DUSP29: variants seen among roughly 807,000 people sequenced by gnomAD.
The protein encoded by DUSP29 is dual specificity phosphatase 29.
DUSP29 carries 12 observed loss-of-function variants against 13.5 expected under a neutral mutation model. The observed-to-expected ratio is 0.89, with a 90% CI of 0.57 to 1.44. The LOEUF (loss-of-function observed/expected upper bound fraction) is 1.44. Ranked by LOEUF, DUSP29 falls within the 40% of genes most tolerant of loss-of-function variation. The probability of loss-of-function intolerance (pLI) is 0.00; values close to 1 mark genes in which losing one functional copy is unlikely to be tolerated. For synonymous variants in DUSP29, 134 were observed against 128.7 expected (o/e 1.04, Z -0.28); for missense variants, 308 against 301.1 (o/e 1.02, Z -0.17).
intron 1 of DUSP29, among the ~76,000 whole-genome samples, chr10:75,071,763 C>T (rs1847332311): frequency 6.6e-6 from 1 of 152,210 alleles, no homozygotes; most frequent in South Asian, 2.1e-4. Context: ...ACAGGCACTC[C>T]TGCCTTCGCA....
intron 1 of DUSP29, among the ~76,000 whole-genome samples, chr10:75,071,221 C>T (rs888803816): frequency 2.0e-5 from 3 of 152,238 alleles, no homozygotes; most frequent in African/African-American, 7.2e-5. Context: ...GCTGTGCTGT[C>T]CATCCCTCAT....
chr10:75,040,358 T>C (rs1248507416), intron 3 of DUSP29, among the ~76,000 whole-genome samples: 2 of 152,212 alleles, frequency 1.3e-5, no homozygotes, highest in Non-Finnish European at 2.9e-5. Context: ...GAGAGCGTGA[T>C]ACTAAAGTCT....
At position 75,058,348 on chromosome 10, in the gene DUSP29, T is replaced by C. The variant is rs1202225707; in HGVS notation, c.167A>G (p.Asn56Ser). ...WKGSPQYTHV[N>S]EVWPKLYIGD... is the part of the protein sequence containing the mutation. Reference sequence around the variant, plus strand: ...AATGTAGAGCTTGGGCCAGACCTCGTTGACGTGGGTGTACTGGGGACTGCC... The same window carrying C: ...AATGTAGAGCTTGGGCCAGACCTCGCTGACGTGGGTGTACTGGGGACTGCC... The change falls in exon 2 of 4, where the codon AAC (asparagine) becomes AGC (serine). Residue 56 changes from asparagine (N) to serine (S), a missense_variant. Physicochemically the swap from Asn to Ser is conservative, Grantham distance 46. Transcript: ENST00000338487. The C allele has an allele frequency of 3.1e-6, 5 of 1,614,020 alleles. No homozygotes were observed. The highest frequency in any genetic ancestry group is 2.2e-5 in the East Asian group (1 of 44,884).
chr10:75,069,389 T>C (rs968692043), intron 1 of DUSP29, among the ~76,000 whole-genome samples: 1 of 152,136 alleles, frequency 6.6e-6, no homozygotes, highest in Admixed American at 6.5e-5. Context: ...AGCTGGGCCT[T>C]CACTCCCTCT....
chr10:75,065,789 C>T (rs1847189058), intron 1 of DUSP29, among the ~76,000 whole-genome samples: 1 of 152,048 alleles, frequency 6.6e-6, no homozygotes, highest in African/African-American at 2.4e-5. Context: ...CTCCCAGGTT[C>T]AAGGGATCCT....
chr10:75,052,608 T>TC (rs1412852490), intron 2 of DUSP29, among the ~76,000 whole-genome samples: 2 of 151,656 alleles, frequency 1.3e-5, no homozygotes, highest in Non-Finnish European at 2.9e-5. Context: ...CGCCCGGCCA[T>TC]CCCCGGCTAA....
chr10:75,058,624 G>T, intron 1 of DUSP29, 76 bp from the exon 2 acceptor site: 2 of 1,236,300 alleles, frequency 1.6e-6, no homozygotes, highest in Non-Finnish European at 2.2e-6. Flanking sequence ...AAAAAGAGGT[G>T]GGAATAAGCT....
chr10:75,054,819 C>T (rs181012808), intron 2 of DUSP29, among the ~76,000 whole-genome samples: 19 of 152,210 alleles, frequency 1.2e-4, no homozygotes, highest in African/African-American at 4.6e-4. Context: ...ACCGAGACTT[C>T]TCTATTTACA....
intron 2 of DUSP29, among the ~76,000 whole-genome samples, chr10:75,053,188 C>T (rs1046502361): frequency 6.6e-6 from 1 of 152,174 alleles, no homozygotes; most frequent in Non-Finnish European, 1.5e-5. Flanking sequence ...CGAAACTGAC[C>T]ACACAGCAGT....
At chr10:75,042,164 C>T (rs1445520962) in intron 3 of DUSP29, among the ~76,000 whole-genome samples, 1 of 152,284 alleles carries the variant, frequency 6.6e-6, no homozygotes, top group Non-Finnish European at 1.5e-5. Context: ...TGCTGATCCT[C>T]ATTATAACCT....
chr10:75,073,102 C>T (rs1453317785), intron 1 of DUSP29, among the ~76,000 whole-genome samples: 1 of 152,074 alleles, frequency 6.6e-6, no homozygotes, highest in Non-Finnish European at 1.5e-5. Context: ...TTTGTGTTAC[C>T]TGGGACACAG....
At chr10:75,059,302 C>T (rs571106982) in intron 1 of DUSP29, among the ~76,000 whole-genome samples, 5 of 152,152 alleles carry the variant, frequency 3.3e-5, no homozygotes, top group Non-Finnish European at 7.3e-5. Context: ...GAGGACTTTC[C>T]ATTGTCCCCA....
Position 75,058,474 on chromosome 10 carries a change from T to G in DUSP29, c.41A>C (p.Tyr14Ser). 3 of 1,614,182 alleles carry G rather than the reference T, an allele frequency of 1.9e-6. No individual in the cohort carries two copies. Among genetic ancestry groups the G allele is most frequent in the Non-Finnish European group, 2.5e-6 (3 of 1,180,032 alleles). Reference protein sequence around the residue: ...GEVKTSLKNAYSSAKRLSPKM... With the variant: ...GEVKTSLKNASSSAKRLSPKM... ...CGGCGACAGCCTCTTGGCAGATGAGTAGGCATTCTTGAGGCTTGTCTTCAC... is the reference window on the plus strand; with the variant it reads ...CGGCGACAGCCTCTTGGCAGATGAGGAGGCATTCTTGAGGCTTGTCTTCAC... The change falls in exon 2 of 4, where the codon TAC (tyrosine) becomes TCC (serine). Residue 14 changes from tyrosine (Y) to serine (S), a missense_variant. Physicochemically the swap from Tyr to Ser is moderately radical, Grantham distance 144. Transcript: ENST00000338487.
At chr10:75,067,450 T>A (rs1051036351) in intron 1 of DUSP29, among the ~76,000 whole-genome samples, 10 of 152,094 alleles carry the variant, frequency 6.6e-5, no homozygotes, top group African/African-American at 2.4e-4. Flanking sequence ...CCAGCATCAT[T>A]GATTCTGCTT....
At chr10:75,038,124 T>C (rs1337106400) in intron 3 of DUSP29, 47 bp from the exon 4 acceptor site, 1 of 1,583,110 alleles carries the variant, frequency 6.3e-7, no homozygotes, top group Admixed American at 1.7e-5. Flanking sequence ...GGGGCAGGTG[T>C]TGGGGGCACA....
chr10:75,073,544 C>T (rs1385577137), intron 1 of DUSP29, among the ~76,000 whole-genome samples, 25 bp downstream of exon 1: 1 of 152,206 alleles, frequency 6.6e-6, no homozygotes, highest in Non-Finnish European at 1.5e-5. Context: ...CAAGGGGTGC[C>T]GGCCTCCCCA....
At position 75,058,522 on chromosome 10, in the gene DUSP29, C is replaced by T. The variant is rs766257440; in HGVS notation, c.-8G>A. 1 of 1,613,712 alleles carries T rather than the reference C, an allele frequency of 6.2e-7. No individual in the cohort carries two copies. Among genetic ancestry groups the T allele is most frequent in the South Asian group, 1.1e-5 (1 of 91,072 alleles). ...CACTTCTCCAGATGTCATTTTAGAG[C>T]CAAGGGATTTTCTCTCCTTTCTGCA... is the stretch of plus-strand genomic sequence containing the variant. On this transcript the variant is annotated 5_prime_UTR_variant, in exon 2 of 4. The change creates a premature stop within an existing upstream ORF in the 5' untranslated region. Transcript: ENST00000338487.
In DUSP29 at chr10:75,043,907, ATGTCG is replaced by A; in HGVS notation, c.306_310del (p.Asp103GlyfsTer38). 1 of 1,614,008 alleles carries A rather than the reference ATGTCG, an allele frequency of 6.2e-7. No homozygotes were observed. Among genetic ancestry groups the A allele is most frequent in the Non-Finnish European group, 8.5e-7 (1 of 1,179,946 alleles). ...CTCCACGCCGTGGTACTGGATGTCC[ATGTCG>A]CGGTAGTAGTCGGGCCCAGTGTCCA... On this transcript the variant is annotated frameshift_variant, in exon 3 of 4. Transcript: ENST00000338487. LOFTEE classifies it high-confidence loss of function.
Position 75,037,760 on chromosome 10 carries a change from T to G in DUSP29, c.*76A>C. The stretch of plus-strand genomic sequence containing the variant: ...AGCTTCGGTTTCACCATCCCTTCTC[T>G]GGAGTCCTAGGCCAGGGCTATGTTC... On this transcript the variant is annotated 3_prime_UTR_variant, in exon 4 of 4. Transcript: ENST00000338487. The G allele has an allele frequency of 1.3e-6, 2 of 1,518,608 alleles. No homozygotes were observed. Among genetic ancestry groups the G allele is most frequent in the African/African-American group, 2.8e-5 (2 of 72,692 alleles). The allele number at this position is 1,518,608 out of a possible 1,614,324, so 94.1% of individuals were successfully genotyped here.
Sources: gnomAD v4.1 joint callset for allele counts (sites outside exome capture counted in the v4.1 genomes callset) on GRCh38, gnomAD v4.1.1 for gene constraint, MANE v1.5 for transcripts, NCBI Gene and HGNC (gene_info 2026-07-23, HGNC 2026-07-21) for gene names.